The following MAP3K5 variants were observed in gnomAD, a reference collection of about 807,000 sequenced individuals.
The protein encoded by MAP3K5 is ASK-1.
Under a neutral mutation model 158.7 loss-of-function variants are expected in MAP3K5, and 56 were observed. The ratio of observed to expected loss-of-function variants is 0.35; its 90% CI spans 0.28 to 0.44. The LOEUF (loss-of-function observed/expected upper bound fraction) is 0.44. Among genes scored for constraint, MAP3K5 ranks in the 20% least tolerant of loss-of-function variants. MAP3K5 has a pLI of 1.00. For missense variants in MAP3K5, 1,294 were observed against 1,674.8 expected (o/e 0.77, Z 3.97); for synonymous variants, 579 against 601.7 (o/e 0.96, Z 0.55).
rs562206449 is a variant in MAP3K5, at chr6:136,582,140, C to A, written c.3411+1415G>T. Reference sequence around the variant, plus strand: ...GAAGAGGGATCTGTTATAACCATAACCTGCTCCTCTCAGCTCTTTATTACA... The same window carrying A: ...GAAGAGGGATCTGTTATAACCATAAACTGCTCCTCTCAGCTCTTTATTACA... On this transcript the variant is annotated intron_variant, in intron 24 of 29. Transcript: ENST00000359015. 4.6e-5 allele frequency among the ~76,000 whole-genome samples: 7 copies of A among 152,246 alleles called. No individual in the cohort carries two copies. The South Asian group carries it at 1.4e-3, about 32-fold the overall frequency.
chr6:136,646,347 T>G (rs566301229), intron 11 of MAP3K5, among the ~76,000 whole-genome samples: 129 of 152,326 alleles, frequency 8.5e-4, no homozygotes, highest in South Asian at 3.3e-3. Context: ...TATCCTAATA[T>G]TTCTTAGCAT....
chr6:136,695,209 C>T (rs923454105), intron 6 of MAP3K5, among the ~76,000 whole-genome samples: 3 of 152,208 alleles, frequency 2.0e-5, no homozygotes, highest in Admixed American at 1.3e-4. Context: ...ATGATCTTGG[C>T]TCACTGCAAC....
chr6:136,613,116 T>G lies in MAP3K5; in HGVS notation c.2415+4A>C, dbSNP rs910155574. The G allele has an allele frequency of 1.9e-6, 3 of 1,600,356 alleles. No individual in the cohort carries two copies. The highest frequency in any genetic ancestry group is 2.6e-6 in the Non-Finnish European group (3 of 1,174,506). ...TCATGAAAATGAATGCTGGTGTACC[T>G]CACCTTTATGTCCCGGTGAACTATC... On this transcript the variant is annotated splice_donor_region_variant and intron_variant, in intron 17 of 29. Coordinates refer to ENST00000359015, the MANE Select transcript of MAP3K5 (RefSeq NM_005923.4). This position sits in a 1 kb window ranked among gnomAD's most constrained non-coding sequence, Gnocchi z 4.0.
intron 25 of MAP3K5, among the ~76,000 whole-genome samples, chr6:136,571,113 T>C (rs528686799): frequency 2.6e-5 from 4 of 152,250 alleles, no homozygotes; most frequent in East Asian, 1.9e-4. Context: ...AGACCTCCCA[T>C]GGACCAATCA....
intron 11 of MAP3K5, among the ~76,000 whole-genome samples, chr6:136,643,094 T>C (rs1031084117): frequency 6.6e-6 from 1 of 152,228 alleles, no homozygotes; most frequent in Non-Finnish European, 1.5e-5. Context: ...GTGCCCATCA[T>C]AACTACAAGG....
chr6:136,728,268 T>G (rs1782061733), intron 1 of MAP3K5, among the ~76,000 whole-genome samples: 1 of 152,190 alleles, frequency 6.6e-6, no homozygotes, highest in Non-Finnish European at 1.5e-5. Context: ...GTTAAATATC[T>G]CACATGAGTT....
At chr6:136,706,161 G>A (rs1473362587) in intron 2 of MAP3K5, among the ~76,000 whole-genome samples, 1 of 152,100 alleles carries the variant, frequency 6.6e-6, no homozygotes, top group African/African-American at 2.4e-5. Context: ...AGCTACTCAG[G>A]AGGCTGAGGC....
At position 136,726,197 on chromosome 6, in the gene MAP3K5, A is replaced by C. The variant is rs550826396; in HGVS notation, c.449-5608T>G. 3.9e-5 allele frequency among the ~76,000 whole-genome samples: 6 copies of C among 152,338 alleles called. No individual in the cohort carries two copies. The South Asian group carries it at 6.2e-4, about 16-fold the overall frequency. On this transcript the variant is annotated intron_variant, in intron 1 of 29. Transcript: ENST00000359015. ...AAATTTGAGAATCAGCTGGCTGTTG[A>C]TATCTATCAATTGATAGCTACCAAA...
rs1830508722 is a variant in MAP3K5, at chr6:136,561,451, C to T, written c.3987+82G>A. The T allele has an allele frequency of 9.0e-6, 9 of 995,776 alleles. No individual in the cohort carries two copies. The South Asian group carries it at 1.2e-4, about 13-fold the overall frequency. The allele number at this position is 995,776 out of a possible 1,614,324, so 61.7% of individuals were successfully genotyped here. On this transcript the variant is annotated intron_variant, in intron 28 of 29. Coordinates refer to ENST00000359015, the MANE Select transcript of MAP3K5 (RefSeq NM_005923.4). ...GGGTCTGATTTGCTCACCAGTGTAT[C>T]CCCTGTGCCTGTCACATAGCAGGCA...
intron 17 of MAP3K5, 140 bp from the exon 18 acceptor site, chr6:136,611,527 G>A (rs1776345232): frequency 1.1e-5 from 6 of 528,142 alleles, no homozygotes; most frequent in Middle Eastern, 2.9e-4. Flanking sequence ...TTCATTAATA[G>A]TTTATCTCAA....
At chr6:136,592,902 T>G in intron 21 of MAP3K5, 2 of 463,490 alleles carry the variant, frequency 4.3e-6, no homozygotes, top group Admixed American at 3.0e-5. Flanking sequence ...GAGGGTCTGA[T>G]CCCCTCATTT....
rs182904762 is a variant in MAP3K5 at position 136,607,508 on chromosome 6, G to A, written c.2522-2142C>T. Among the ~76,000 whole-genome samples, 1,133 of 152,242 alleles carry A rather than the reference G, an allele frequency of 7.4e-3. 6 individuals carry two copies. Among genetic ancestry groups the A allele is most frequent in the Non-Finnish European group, 0.013 (873 of 68,022 alleles). On this transcript the variant is annotated intron_variant, in intron 18 of 29. Transcript: ENST00000359015. The stretch of plus-strand genomic sequence containing the variant: ...TAATATTTTAAACAAAGCAATTTAC[G>A]AAGCTGGATAATGAAGATGAGAGCC...
chr6:136,629,802 T>C (rs1253657767), intron 14 of MAP3K5, among the ~76,000 whole-genome samples: 2 of 88,602 alleles, frequency 2.3e-5, no homozygotes, highest in Non-Finnish European at 4.9e-5. Flanking sequence ...TTTATTTATT[T>C]ATTTATTTAG....
At chr6:136,637,138 A>G (rs1777676259) in intron 14 of MAP3K5, 187 bp downstream of exon 14, 1 of 1,400,490 alleles carries the variant, frequency 7.1e-7, no homozygotes, top group Non-Finnish European at 9.4e-7. Context: ...CTGTGGAATA[A>G]GAATTCTCCA....
At chr6:136,575,200 C>T (rs1774559689) in intron 25 of MAP3K5, among the ~76,000 whole-genome samples, 1 of 146,418 alleles carries the variant, frequency 6.8e-6, no homozygotes, top group African/African-American at 2.5e-5. Context: ...CTCACTCTGT[C>T]CCCCAGGCCA....
intron 7 of MAP3K5, among the ~76,000 whole-genome samples, chr6:136,680,952 G>A (rs1161772297): frequency 1.3e-5 from 2 of 152,180 alleles, no homozygotes; most frequent in African/African-American, 4.8e-5. Context: ...AAAGATTTAG[G>A]AGGAAGGGAG....
intron 1 of MAP3K5, among the ~76,000 whole-genome samples, chr6:136,783,894 T>TTC (rs560220671): frequency 6.6e-6 from 1 of 151,860 alleles, no homozygotes; most frequent in East Asian, 1.9e-4. Context: ...TTCCCGGACT[T>TTC]TGTGCTTGTC....
chr6:136,708,623 A>C (rs1381696368), intron 2 of MAP3K5, among the ~76,000 whole-genome samples: 1 of 152,094 alleles, frequency 6.6e-6, no homozygotes, highest in Non-Finnish European at 1.5e-5. Context: ...CATCATAGTA[A>C]GTGCTTAGTC....
chr6:136,724,248 CTTTT>C (rs1213577934), intron 1 of MAP3K5, among the ~76,000 whole-genome samples: 2 of 134,654 alleles, frequency 1.5e-5, no homozygotes, highest in Admixed American at 7.5e-5. Flanking sequence ...GAGAAACTGA[CTTTT>C]TTTTTTTTTT....
Sources: gnomAD v4.1 joint callset for allele counts (sites outside exome capture counted in the v4.1 genomes callset) on GRCh38, gnomAD v4.1.1 for gene constraint, Gnocchi (gnomAD v3.1) non-coding constraint, MANE v1.5 for transcripts, NCBI Gene and HGNC (gene_info 2026-07-23, HGNC 2026-07-21) for gene names.